Variants in CNTN5 observed in about 807,000 individuals in gnomAD.
CNTN5 encodes contactin 5.
In CNTN5, 77 loss-of-function variants were observed where a neutral mutation model predicts 129.1. The observed-to-expected ratio is 0.60, with a 90% CI of 0.50 to 0.72. CNTN5 has a LOEUF of 0.72. Among genes scored for constraint, CNTN5 ranks in the 30% least tolerant of loss-of-function variants. The probability of loss-of-function intolerance (pLI) is 0.00; values close to 1 mark genes in which losing one functional copy is unlikely to be tolerated. For missense variants in CNTN5, 1,478 were observed against 1,328.8 expected, an observed-to-expected ratio of 1.11 and a Z score of -1.75; for synonymous variants, 509 against 465.6, an observed-to-expected ratio of 1.09 and a Z score of -1.20.
intron 8 of CNTN5, among the ~76,000 whole-genome samples, chr11:99,980,613 G>A (rs76176667): frequency 8.5e-5 from 13 of 152,086 alleles, no homozygotes; most frequent in African/African-American, 2.4e-4. Flanking sequence ...GAAAAAGTAC[G>A]TATTTTGCAG....
At chr11:100,262,824 G>T (rs1354326746) in intron 17 of CNTN5, among the ~76,000 whole-genome samples, 2 of 151,936 alleles carry the variant, frequency 1.3e-5, no homozygotes, top group Non-Finnish European at 2.9e-5. Flanking sequence ...AGCATTAGGA[G>T]AAATACCTAA....
chr11:100,047,848 A>G (rs568341837), intron 9 of CNTN5, among the ~76,000 whole-genome samples: 1 of 151,810 alleles, frequency 6.6e-6, no homozygotes, highest in South Asian at 2.1e-4. Context: ...TAAAGAAAAA[A>G]GAGGCCTGAG....
chr11:99,959,434 T>C (rs958122019), intron 8 of CNTN5, among the ~76,000 whole-genome samples: 2 of 152,186 alleles, frequency 1.3e-5, no homozygotes, highest in Non-Finnish European at 1.5e-5. Flanking sequence ...TGCATTGTTA[T>C]CTCCCATCCT....
In CNTN5 at chr11:99,158,021, C is replaced by A. The variant is rs117942271; in HGVS notation, c.-210+136751C>A. Among the ~76,000 whole-genome samples, 51 of 152,226 alleles carry A rather than the reference C, an allele frequency of 3.4e-4. No homozygotes were observed. The East Asian group carries it at 9.5e-3, about 28-fold the overall frequency. The stretch of plus-strand genomic sequence containing the variant: ...CCTTTGTGTTATGCTAAATAATCAT[C>A]TCACACTCCTTGATTAAAGTCAAAT... On this transcript the variant is annotated intron_variant, in intron 1 of 24. Transcript: ENST00000524871.
intron 7 of CNTN5, among the ~76,000 whole-genome samples, chr11:99,950,092 A>G (rs1950637032): frequency 6.6e-6 from 1 of 152,232 alleles, no homozygotes; most frequent in Non-Finnish European, 1.5e-5. Flanking sequence ...AATTTAATGT[A>G]ATAATACAGC....
chr11:100,048,782 A>G (rs189648964), intron 9 of CNTN5, among the ~76,000 whole-genome samples: 17 of 152,224 alleles, frequency 1.1e-4, no homozygotes, highest in Admixed American at 5.9e-4. Flanking sequence ...TATTTTGAAG[A>G]GTATAAAAAT....
At chr11:99,062,332 C>A (rs182245017) in intron 1 of CNTN5, among the ~76,000 whole-genome samples, 53 of 152,130 alleles carry the variant, frequency 3.5e-4, no homozygotes, top group Middle Eastern at 3.4e-3. Context: ...ACATGTATAC[C>A]AGTCTTTTAG....
intron 3 of CNTN5, among the ~76,000 whole-genome samples, chr11:99,791,557 C>A (rs1473079094): frequency 6.6e-6 from 1 of 152,006 alleles, no homozygotes; most frequent in Non-Finnish European, 1.5e-5. Flanking sequence ...CGTGATGCCT[C>A]CAGGTTTGTC....
rs1362875757 is a variant in CNTN5 at position 99,673,467 on chromosome 11, G to A, written c.55+117198G>A. ...TCTCCTTTTTTAAGTTCAGGGATATGTGTGCAGGATATGAAGGTTTGTTAC... is the reference window on the plus strand; with the variant it reads ...TCTCCTTTTTTAAGTTCAGGGATATATGTGCAGGATATGAAGGTTTGTTAC... On this transcript the variant is annotated intron_variant, in intron 3 of 24. Transcript: ENST00000524871. Among the ~76,000 whole-genome samples the A allele has an allele frequency of 3.3e-5, 5 of 152,202 alleles. No individual in the cohort carries two copies. The East Asian group carries it at 7.7e-4, about 24-fold the overall frequency.
intron 1 of CNTN5, among the ~76,000 whole-genome samples, chr11:99,233,274 T>C (rs1861096675): frequency 6.6e-6 from 1 of 152,238 alleles, no homozygotes; most frequent in South Asian, 2.1e-4. Flanking sequence ...TGATTTCATA[T>C]AAAGTTGCTT....
intron 15 of CNTN5, among the ~76,000 whole-genome samples, chr11:100,217,234 AAGAT>A (rs1204636792): frequency 1.4e-5 from 2 of 140,796 alleles, no homozygotes; most frequent in African/African-American, 5.3e-5. Flanking sequence ...GTATGATAAA[AAGAT>A]AGCATATTTT....
intron 2 of CNTN5, among the ~76,000 whole-genome samples, chr11:99,398,468 A>G (rs1941640009): frequency 6.6e-6 from 1 of 151,914 alleles, no homozygotes; most frequent in African/African-American, 2.4e-5. Flanking sequence ...TTACTGTATC[A>G]TACAGGACAG....
At chr11:99,379,789 A>C (rs1483792965) in intron 2 of CNTN5, among the ~76,000 whole-genome samples, 1 of 152,122 alleles carries the variant, frequency 6.6e-6, no homozygotes, top group African/African-American at 2.4e-5. Flanking sequence ...ATCTCTTGCA[A>C]AGCTGCTTAA....
intron 3 of CNTN5, among the ~76,000 whole-genome samples, chr11:99,572,042 A>G (rs765857043): frequency 4.6e-5 from 7 of 152,242 alleles, no homozygotes; most frequent in Non-Finnish European, 1.0e-4. Context: ...GGCCCATAGC[A>G]AGAAATCTCA....
intron 3 of CNTN5, among the ~76,000 whole-genome samples, chr11:99,774,485 TAGG>T (rs1192200381): frequency 1.6e-5 from 2 of 127,142 alleles, no homozygotes; most frequent in African/African-American, 2.6e-5. Flanking sequence ...AAGAAATTCA[TAGG>T]AGAAGTAAAA....
intron 3 of CNTN5, among the ~76,000 whole-genome samples, chr11:99,681,478 A>G (rs560599304): frequency 5.3e-5 from 8 of 152,250 alleles, no homozygotes; most frequent in Non-Finnish European, 1.2e-4. Context: ...AAGGCCCACC[A>G]GCAGCAAAAG....
At chr11:99,368,656 A>T (rs1026745921) in intron 2 of CNTN5, among the ~76,000 whole-genome samples, 1 of 152,170 alleles carries the variant, frequency 6.6e-6, no homozygotes, top group Non-Finnish European at 1.5e-5. Flanking sequence ...TTATCGTAAG[A>T]CTACAGCATA....
At chr11:100,188,212 G>A (rs970554524) in intron 13 of CNTN5, among the ~76,000 whole-genome samples, 1 of 152,120 alleles carries the variant, frequency 6.6e-6, no homozygotes, top group African/African-American at 2.4e-5. Flanking sequence ...GGGAGGCCAC[G>A]GTGGGCAAAT....
intron 6 of CNTN5, among the ~76,000 whole-genome samples, chr11:99,915,301 C>T (rs915439530): frequency 1.4e-4 from 22 of 152,196 alleles, no homozygotes; most frequent in Admixed American, 4.6e-4. Context: ...ATTTAAATTA[C>T]ACATCATTCC....
Sources: gnomAD v4.1 joint callset for allele counts (sites outside exome capture counted in the v4.1 genomes callset) on GRCh38, gnomAD v4.1.1 for gene constraint, MANE v1.5 for transcripts, NCBI Gene and HGNC (gene_info 2026-07-23, HGNC 2026-07-21) for gene names.